The following LYPD6B variants were observed in gnomAD, a reference collection of about 807,000 sequenced individuals.
LYPD6B encodes LY6/PLAUR domain containing 6B.
In LYPD6B, 17 loss-of-function variants were observed where a neutral mutation model predicts 22.8. That is an observed-to-expected ratio of 0.75 (90% CI 0.51 to 1.12). LYPD6B has a LOEUF of 1.12. LYPD6B is among the 50% of genes most tolerant of loss of function. The pLI is 0.00. For synonymous variants in LYPD6B, 106 were observed against 91.6 expected (o/e 1.16, Z -0.90); for missense variants, 221 against 258.3 (o/e 0.86, Z 0.99).
At chr2:149,117,429 C>G (rs1687062861) in intron 1 of LYPD6B, among the ~76,000 whole-genome samples, 2 of 152,002 alleles carry the variant, frequency 1.3e-5, no homozygotes, top group South Asian at 4.2e-4. Flanking sequence ...CACCACCATG[C>G]CTAGCTAATT....
intron 3 of LYPD6B, among the ~76,000 whole-genome samples, chr2:149,185,283 G>C (rs561282798): frequency 1.3e-5 from 2 of 152,274 alleles, no homozygotes; most frequent in East Asian, 3.9e-4. Flanking sequence ...CATTAAGCTG[G>C]TGAAATAGCA....
At position 149,205,238 on chromosome 2, in the gene LYPD6B, G is replaced by A; in HGVS notation, c.78-15G>A. ...AAATATAAAGAAACTGAACCAGTGTGTCTTTTCACCATAGATATAAGAGTT... is the reference window on the plus strand; with the variant it reads ...AAATATAAAGAAACTGAACCAGTGTATCTTTTCACCATAGATATAAGAGTT... On this transcript the variant is annotated splice_polypyrimidine_tract_variant and intron_variant, in intron 3 of 6. Transcript: ENST00000409642. 1 of 1,595,752 alleles carries A rather than the reference G, an allele frequency of 6.3e-7. No homozygotes were observed. Among genetic ancestry groups the A allele is most frequent in the Non-Finnish European group, 8.5e-7 (1 of 1,174,496 alleles).
At chr2:149,115,979 A>G (rs145167233) in intron 1 of LYPD6B, among the ~76,000 whole-genome samples, 9 of 152,306 alleles carry the variant, frequency 5.9e-5, no homozygotes, top group Admixed American at 5.9e-4. Flanking sequence ...CATCTTGGTT[A>G]TCAGATCTAC....
chr2:149,201,526 G>A (rs907272949), intron 3 of LYPD6B, among the ~76,000 whole-genome samples: 18 of 152,134 alleles, frequency 1.2e-4, no homozygotes, highest in Admixed American at 3.3e-4. Context: ...ACTATAGTTA[G>A]TCATTTACTT....
At chr2:149,175,051 C>CTG (rs1400990741) in intron 3 of LYPD6B, among the ~76,000 whole-genome samples, 2,465 of 134,618 alleles carry the variant, frequency 0.018, 30 homozygotes, top group Non-Finnish European at 0.026. Context: ...CTCTCTCTCT[C>CTG]TCTCTCTCTC....
At chr2:149,206,984 C>T (rs1009352060) in intron 4 of LYPD6B, among the ~76,000 whole-genome samples, 4 of 152,052 alleles carry the variant, frequency 2.6e-5, no homozygotes, top group African/African-American at 7.2e-5. Flanking sequence ...CATTGAAAAT[C>T]GTTTTAAATT....
chr2:149,151,341 T>C lies in LYPD6B; in HGVS notation c.6-9423T>C, dbSNP rs1689362114. Among the ~76,000 whole-genome samples the C allele has an allele frequency of 2.0e-5, 3 of 152,142 alleles. No homozygotes were observed. The South Asian group carries it at 6.2e-4, about 32-fold the overall frequency. ...TTCTGCAGCTGTTATAGGTGCAGGG[T>C]GCTTCAGTATTCAGACTGTGGCTGA... On this transcript the variant is annotated intron_variant, in intron 2 of 6. Coordinates refer to ENST00000409642, the MANE Select transcript of LYPD6B (RefSeq NM_177964.5).
intron 1 of LYPD6B, among the ~76,000 whole-genome samples, chr2:149,044,676 T>C (rs1683231277): frequency 6.6e-6 from 1 of 152,082 alleles, no homozygotes; most frequent in Non-Finnish European, 1.5e-5. Context: ...ATCCTTACTT[T>C]GTTTCTTATC....
chr2:149,166,715 G>T (rs765309087), intron 3 of LYPD6B, among the ~76,000 whole-genome samples: 17 of 152,132 alleles, frequency 1.1e-4, no homozygotes, highest in Non-Finnish European at 1.5e-5. Context: ...GCTACCGAGA[G>T]TGTTTGCTAC....
At position 149,214,837 on chromosome 2, in the gene LYPD6B, GA is replaced by G; in HGVS notation, c.*130del. ...AAGAGTGCACATTGGACCTCAAGGCGAAAGCCAGTGGTTTGCTTGGATAAAA... is the reference window on the plus strand; with the variant it reads ...AAGAGTGCACATTGGACCTCAAGGCGAAGCCAGTGGTTTGCTTGGATAAAA... On this transcript the variant is annotated 3_prime_UTR_variant, in exon 7 of 7. Coordinates refer to ENST00000409642, the MANE Select transcript of LYPD6B (RefSeq NM_177964.5). 1.0e-6 allele frequency: 1 copy of G among 988,036 alleles called. No homozygotes were observed. Among genetic ancestry groups the G allele is most frequent in the Non-Finnish European group, 1.6e-6 (1 of 641,990 alleles). 61.2% of individuals were successfully genotyped at this position (988,036 alleles called of 1,614,324 possible).
At chr2:149,189,649 A>T (rs1461817770) in intron 3 of LYPD6B, among the ~76,000 whole-genome samples, 1 of 151,932 alleles carries the variant, frequency 6.6e-6, no homozygotes, top group Non-Finnish European at 1.5e-5. Flanking sequence ...TATATACATA[A>T]ATGGAAATAA....
intron 2 of LYPD6B, chr2:149,143,953 T>G (rs1392898050): frequency 6.6e-6 from 1 of 152,196 alleles, no homozygotes; most frequent in Admixed American, 6.5e-5. Flanking sequence ...CTCAGCATAA[T>G]TGGGTAAGTG....
intron 1 of LYPD6B, among the ~76,000 whole-genome samples, chr2:149,115,413 G>A (rs1422599393): frequency 6.6e-6 from 1 of 152,162 alleles, no homozygotes; most frequent in African/African-American, 2.4e-5. Flanking sequence ...CTAGAATCCT[G>A]ATTATAGTAG....
At chr2:149,196,356 A>C (rs2106092703) in intron 3 of LYPD6B, among the ~76,000 whole-genome samples, 1 of 152,334 alleles carries the variant, frequency 6.6e-6, no homozygotes, top group African/African-American at 2.4e-5. Context: ...CATAGCATGC[A>C]GTTTATTGTT....
chr2:149,156,221 T>C (rs966225908), intron 2 of LYPD6B, among the ~76,000 whole-genome samples: 2 of 152,180 alleles, frequency 1.3e-5, no homozygotes, highest in African/African-American at 4.8e-5. Flanking sequence ...GGCAGTGGTC[T>C]CCTGTTTCAG....
chr2:149,169,263 T>C (rs113382290), intron 3 of LYPD6B, among the ~76,000 whole-genome samples: 1,643 of 152,198 alleles, frequency 0.011, 27 homozygotes, highest in African/African-American at 0.034. Flanking sequence ...GACATGTCTC[T>C]TCCCCAAAAC....
Position 149,158,761 on chromosome 2 carries a change from C to A in LYPD6B, c.6-2003C>A, listed in dbSNP as rs116217409. 6.4e-3 allele frequency among the ~76,000 whole-genome samples: 978 copies of A among 152,308 alleles called. 11 individuals carry two copies. The highest frequency in any genetic ancestry group is 0.023 in the African/African-American group (949 of 41,584). ...AGCATATTTGAGACTTATACACATA[C>A]AAACATATAAAATTTAAACTTTGTA... On this transcript the variant is annotated intron_variant, in intron 2 of 6. Transcript: ENST00000409642.
chr2:149,187,641 C>A, intron 3 of LYPD6B: 2 of 915,112 alleles, frequency 2.2e-6, no homozygotes, highest in African/African-American at 1.7e-5. Flanking sequence ...CTTAAGCAGG[C>A]TTGTCCAATC....
rs569684424 is a variant in LYPD6B, at chr2:149,095,183, C to T, written c.-66-35700C>T. Among the ~76,000 whole-genome samples the T allele has an allele frequency of 1.5e-3, 222 of 152,202 alleles. 1 individual carries two copies. Among genetic ancestry groups the T allele is most frequent in the African/African-American group, 4.4e-3 (182 of 41,544 alleles). On this transcript the variant is annotated intron_variant, in intron 1 of 6. Transcript: ENST00000409642. ...TGGTGGCAGGTGCCTGTAATCTCAGCTACTCAGGAGGCTGAGGCGAGAGAA... is the reference window on the plus strand; with the variant it reads ...TGGTGGCAGGTGCCTGTAATCTCAGTTACTCAGGAGGCTGAGGCGAGAGAA...
Sources: gnomAD v4.1 joint callset for allele counts (sites outside exome capture counted in the v4.1 genomes callset) on GRCh38, gnomAD v4.1.1 for gene constraint, MANE v1.5 for transcripts, NCBI Gene and HGNC (gene_info 2026-07-23, HGNC 2026-07-21) for gene names.